FBXO4: variants seen among roughly 807,000 people sequenced by gnomAD.
FBXO4 encodes F-box only protein 4.
In FBXO4, 36 loss-of-function variants were observed where a neutral mutation model predicts 43.7. The ratio of observed to expected loss-of-function variants is 0.82; its 90% confidence interval spans 0.63 to 1.09. The LOEUF (loss-of-function observed/expected upper bound fraction) is 1.09. Ranked by LOEUF, FBXO4 falls within the 50% of genes least tolerant of loss-of-function variation. The probability of loss-of-function intolerance (pLI) is 0.00; values close to 1 mark genes in which losing one functional copy is unlikely to be tolerated. For missense variants in FBXO4, 435 were observed against 474.1 expected (o/e 0.92, Z 0.77); for synonymous variants, 180 against 165.6 (o/e 1.09, Z -0.67).
rs747116465 is a variant in FBXO4 at position 41,927,194 on chromosome 5, TAAAA to T, written c.374_377del (p.Lys125SerfsTer46). 6.2e-7 allele frequency: 1 copy of T among 1,613,188 alleles called. No homozygotes were observed. The highest frequency in any genetic ancestry group is 1.3e-5 in the African/African-American group (1 of 74,814). ...AAGTCTCTTCCAGATCTAGAAATCT[TAAAA>T]AAGCCTATATCTGAGGTCACTGATG... On this transcript the variant is annotated frameshift_variant, in exon 2 of 7. Transcript: ENST00000281623. LOFTEE classifies it high-confidence loss of function.
At chr5:41,946,489 G>A (rs1006008682), downstream of FBXO4, among the ~76,000 whole-genome samples, 1 of 152,136 alleles carries the variant, frequency 6.6e-6, no homozygotes, top group African/African-American at 2.4e-5. Context: ...AAAAAGTAGG[G>A]CACTCTGCTT....
intron 2 of FBXO4, among the ~76,000 whole-genome samples, chr5:41,929,258 G>GC (rs1484171169): frequency 6.6e-6 from 1 of 152,136 alleles, no homozygotes; most frequent in Admixed American, 6.5e-5. Context: ...TTAATGTTTA[G>GC]CAGCATCCTT....
intron 3 of FBXO4, among the ~76,000 whole-genome samples, chr5:41,931,859 G>A (rs775178661): frequency 7.9e-5 from 12 of 152,224 alleles, no homozygotes; most frequent in Non-Finnish European, 1.6e-4. Flanking sequence ...AAGAAGGAAA[G>A]AGTGCTACAG....
chr5:42,021,123 G>A, the FBXO4 span, among the ~76,000 whole-genome samples: 1 of 152,106 alleles, frequency 6.6e-6, no homozygotes, highest in African/African-American at 2.4e-5. Flanking sequence ...AACAGAAAAC[G>A]ATTAGGATCT....
the FBXO4 span, among the ~76,000 whole-genome samples, chr5:41,965,060 A>G: frequency 2.6e-5 from 4 of 152,262 alleles, no homozygotes; most frequent in East Asian, 3.9e-4. Flanking sequence ...TAATTTTTGT[A>G]TAAGGTGTAA....
chr5:42,021,248 T>G, the FBXO4 span, among the ~76,000 whole-genome samples: 1 of 152,140 alleles, frequency 6.6e-6, no homozygotes, highest in Non-Finnish European at 1.5e-5. Flanking sequence ...CAACCAGTAG[T>G]GGCTTGGATT....
At chr5:42,011,598 G>T in the FBXO4 span, among the ~76,000 whole-genome samples, 1 of 152,184 alleles carries the variant, frequency 6.6e-6, no homozygotes, top group African/African-American at 2.4e-5. Context: ...TATATTTATT[G>T]AACTGTTATT....
the FBXO4 span, among the ~76,000 whole-genome samples, chr5:42,027,462 T>C: frequency 6.6e-6 from 1 of 152,094 alleles, no homozygotes; most frequent in South Asian, 2.1e-4. Flanking sequence ...TAAGGGTTTG[T>C]CAATTTTGTT....
At chr5:42,038,226 T>C in the FBXO4 span, among the ~76,000 whole-genome samples, 14 of 152,240 alleles carry the variant, frequency 9.2e-5, no homozygotes, top group Non-Finnish European at 1.6e-4. Flanking sequence ...ATAACTCATA[T>C]TCTGTTCACC....
the FBXO4 span, among the ~76,000 whole-genome samples, chr5:42,012,609 C>A: frequency 6.6e-6 from 1 of 152,108 alleles, no homozygotes; most frequent in Non-Finnish European, 1.5e-5. Context: ...GGGGGTCAAG[C>A]AAGCCTTATG....
the FBXO4 span, among the ~76,000 whole-genome samples, chr5:41,970,921 G>C: frequency 6.6e-6 from 1 of 151,920 alleles, no homozygotes; most frequent in Non-Finnish European, 1.5e-5. Flanking sequence ...AATGTAATTG[G>C]CTTGGGATTT....
the FBXO4 span, chr5:41,963,747 G>C: frequency 6.6e-6 from 1 of 152,218 alleles, no homozygotes; most frequent in African/African-American, 2.4e-5. Flanking sequence ...GAAGAGGAAG[G>C]GTTGGTCTTG....
the FBXO4 span, among the ~76,000 whole-genome samples, chr5:42,017,161 A>G: frequency 2.0e-5 from 3 of 152,076 alleles, no homozygotes; most frequent in Non-Finnish European, 4.4e-5. Flanking sequence ...GCTTGTCATC[A>G]TACTAAGAAT....
chr5:42,040,195 G>A, the FBXO4 span, among the ~76,000 whole-genome samples: 1 of 151,850 alleles, frequency 6.6e-6, no homozygotes, highest in Non-Finnish European at 1.5e-5. Flanking sequence ...GTCCCTTTTC[G>A]CCACTTTGTT....
At chr5:41,999,446 AGTGTGT>A in the FBXO4 span, among the ~76,000 whole-genome samples, 12 of 107,766 alleles carry the variant, frequency 1.1e-4, no homozygotes, top group South Asian at 3.0e-4. Flanking sequence ...TATATATGTG[AGTGTGT>A]GTGTGTGTGT....
the FBXO4 span, among the ~76,000 whole-genome samples, chr5:41,992,396 G>GT: frequency 6.6e-6 from 1 of 152,146 alleles, no homozygotes; most frequent in Non-Finnish European, 1.5e-5. Context: ...ATAAAAATAT[G>GT]TTTTTTCTAT....
the FBXO4 span, among the ~76,000 whole-genome samples, chr5:41,953,331 A>G: frequency 6.6e-6 from 1 of 151,500 alleles, no homozygotes; most frequent in South Asian, 2.1e-4. Context: ...TGAACTCATC[A>G]TTTTTTATGG....
chr5:41,953,509 C>G, the FBXO4 span, among the ~76,000 whole-genome samples: 1 of 152,136 alleles, frequency 6.6e-6, no homozygotes, highest in East Asian at 1.9e-4. Context: ...TGGGTGTATA[C>G]CCAGTAATGG....
intron 1 of FBXO4, 148 bp downstream of exon 1, chr5:41,925,646 C>T (rs1751463876): frequency 3.8e-6 from 2 of 528,684 alleles, no homozygotes; most frequent in African/African-American, 2.0e-5. Context: ...GTGTAGTCAC[C>T]GAGAAGCTAC....
Sources: gnomAD v4.1 joint callset for allele counts (sites outside exome capture counted in the v4.1 genomes callset) on GRCh38, gnomAD v4.1.1 for gene constraint, MANE v1.5 for transcripts, NCBI Gene and HGNC (gene_info 2026-07-23, HGNC 2026-07-21) for gene names.